The following LRRC8B variants were observed in gnomAD, a reference collection of about 807,000 sequenced individuals.
LRRC8B encodes volume-regulated anion channel subunit LRRC8B.
LRRC8B carries 23 observed loss-of-function variants against 58.8 expected under a neutral mutation model. The observed-to-expected ratio is 0.39, with a 90% CI of 0.28 to 0.55. LRRC8B has a LOEUF of 0.55. Among genes scored for constraint, LRRC8B ranks in the 20% least tolerant of loss-of-function variants. The pLI, the probability that LRRC8B is intolerant of heterozygous loss-of-function variation, is 0.62. For synonymous variants in LRRC8B, 359 were observed against 374.1 expected, an observed-to-expected ratio of 0.96 and a Z score of 0.47; for missense variants, 694 against 936.0, an observed-to-expected ratio of 0.74 and a Z score of 3.37.
chr1:89,576,458 T>C lies in LRRC8B; in HGVS notation c.-124-3133T>C, dbSNP rs530195271. 2.0e-5 allele frequency among the ~76,000 whole-genome samples: 3 copies of C among 152,308 alleles called. No homozygotes were observed. The South Asian group carries it at 6.2e-4, about 32-fold the overall frequency. ...TGGGAGTAAGGCCTGGGTTTACGTT[T>C]CTTTTAAAAGTGCCCCAAGAGGTTC... On this transcript the variant is annotated intron_variant, in intron 3 of 5. Coordinates refer to ENST00000330947, the MANE Select transcript of LRRC8B (RefSeq NM_001369817.2).
intron 1 of LRRC8B, among the ~76,000 whole-genome samples, chr1:89,557,374 A>T (rs1320167631): frequency 6.6e-6 from 1 of 152,194 alleles, no homozygotes; most frequent in Non-Finnish European, 1.5e-5. Context: ...GGCCAAAAGC[A>T]TCCTCTTTTT....
Position 89,583,460 on chromosome 1 carries a change from G to A in LRRC8B, c.810G>A (p.Val270=). Residue 270 remains valine (V), a synonymous_variant, in exon 5 of 6, where the codon GTG becomes GTA. Transcript: ENST00000330947. The surrounding 1 kb of genome is among the most constrained non-coding windows in gnomAD (Gnocchi z 5.2). ...KQIIVKVILF[V]LIITYVPYFL... Reference sequence around the variant, plus strand: ...TAATAGTCAAAGTCATTTTGTTTGTGCTCATCATAACTTATGTTCCATATT... The same window carrying A: ...TAATAGTCAAAGTCATTTTGTTTGTACTCATCATAACTTATGTTCCATATT... 2 of 1,614,058 alleles carry A rather than the reference G, an allele frequency of 1.2e-6. No homozygotes were observed. The highest frequency in any genetic ancestry group is 1.7e-6 in the Non-Finnish European group (2 of 1,179,998).
chr1:89,550,335 G>T (rs1259697427), intron 1 of LRRC8B, among the ~76,000 whole-genome samples: 1 of 152,114 alleles, frequency 6.6e-6, no homozygotes, highest in Non-Finnish European at 1.5e-5. Context: ...TGTTCATGCT[G>T]CTACCAAAGT....
chr1:89,569,813 A>G (rs926318319), intron 3 of LRRC8B, among the ~76,000 whole-genome samples: 2 of 151,974 alleles, frequency 1.3e-5, no homozygotes, highest in Non-Finnish European at 2.9e-5. Context: ...TCAACCAGGG[A>G]TTAAGCTGAG....
rs1317225749 is a variant in LRRC8B at position 89,579,592 on chromosome 1, A to T, written c.-123A>T. The T allele has an allele frequency of 6.5e-6, 1 of 152,700 alleles. No homozygotes were observed. The highest frequency in any genetic ancestry group is 1.5e-5 in the Non-Finnish European group (1 of 68,046). 9.5% of individuals were successfully genotyped at this position (152,700 alleles called of 1,614,324 possible). A position where few individuals can be genotyped will look rare whatever the true frequency, so the allele number is the denominator to read the frequency against. The stretch of plus-strand genomic sequence containing the variant: ...CAAGATATCTATGTTTTCTCATAGA[A>T]TGAAGACAAACACAGAGATGGTGTG... On this transcript the variant is annotated splice_region_variant and 5_prime_UTR_variant, in exon 4 of 6. The change abolishes an upstream ATG in the 5' untranslated region. Coordinates refer to ENST00000330947, the MANE Select transcript of LRRC8B (RefSeq NM_001369817.2).
chr1:89,578,254 A>T (rs1653989834), intron 3 of LRRC8B, among the ~76,000 whole-genome samples: 1 of 152,226 alleles, frequency 6.6e-6, no homozygotes, highest in South Asian at 2.1e-4. Flanking sequence ...ATCATGGCTG[A>T]GTAACATTTT....
intron 1 of LRRC8B, among the ~76,000 whole-genome samples, chr1:89,559,982 A>G (rs1418498359): frequency 1.3e-5 from 2 of 152,188 alleles, no homozygotes; most frequent in Non-Finnish European, 2.9e-5. Flanking sequence ...AGTCTTTCAG[A>G]CTAGATATTC....
At chr1:89,530,769 C>T (rs1650066459) in intron 1 of LRRC8B, among the ~76,000 whole-genome samples, 1 of 152,140 alleles carries the variant, frequency 6.6e-6, no homozygotes, top group African/African-American at 2.4e-5. Context: ...TGGACAACCC[C>T]AACGGCCGGT....
Position 89,582,716 on chromosome 1 carries a change from A to G in LRRC8B, c.66A>G (p.Pro22=), listed in dbSNP as rs1278261956. 3.1e-6 allele frequency: 5 copies of G among 1,614,090 alleles called. No homozygotes were observed. In the African/African-American group the frequency reaches 5.3e-5, roughly 17 times the overall value. Residue 22 remains proline, a synonymous_variant, in exon 5 of 6, where the codon CCA becomes CCG. Coordinates refer to ENST00000330947, the MANE Select transcript of LRRC8B (RefSeq NM_001369817.2). ...AGTCATCTTATCACATCTTAAAACC[A>G]TGGTGGGACGTCTTCTGGTATTACA... ...DAQSSYHILK[P]WWDVFWYYIT...
intron 1 of LRRC8B, among the ~76,000 whole-genome samples, chr1:89,535,141 G>C (rs12745246): frequency 6.6e-6 from 1 of 151,938 alleles, no homozygotes; most frequent in East Asian, 1.9e-4. Flanking sequence ...TATGTATTTT[G>C]AAGGAGGTCC....
At chr1:89,590,403 A>G (rs1466002890) in intron 5 of LRRC8B, among the ~76,000 whole-genome samples, 2 of 152,254 alleles carry the variant, frequency 1.3e-5, no homozygotes, top group Non-Finnish European at 1.5e-5. Context: ...GAATGAGAGT[A>G]GGTGAGGTAA....
chr1:89,567,859 A>T (rs751903917), intron 1 of LRRC8B, among the ~76,000 whole-genome samples: 2 of 152,176 alleles, frequency 1.3e-5, no homozygotes, highest in Non-Finnish European at 2.9e-5. Context: ...TGTGTGAACT[A>T]TATGTTTCCA....
chr1:89,576,118 GC>G (rs1653829603), intron 3 of LRRC8B, among the ~76,000 whole-genome samples: 1 of 152,168 alleles, frequency 6.6e-6, no homozygotes, highest in Admixed American at 6.5e-5. Flanking sequence ...TATTGAAATA[GC>G]CTTTCAGCTG....
rs1187390667 is a variant in LRRC8B at position 89,525,966 on chromosome 1, TAAG to T, written c.-241+949_-241+951del. On this transcript the variant is annotated intron_variant, in intron 1 of 5. Coordinates refer to ENST00000330947, the MANE Select transcript of LRRC8B (RefSeq NM_001369817.2). Reference sequence around the variant, plus strand: ...AACAGGCAATTTGTTCAGCGTATATTAAGAAGACATTACGTAGCATGATTTTTA... The same window carrying T: ...AACAGGCAATTTGTTCAGCGTATATTAAGACATTACGTAGCATGATTTTTA... 3.9e-5 allele frequency among the ~76,000 whole-genome samples: 6 copies of T among 152,342 alleles called. No homozygotes were observed. In the East Asian group the frequency reaches 7.7e-4, roughly 20 times the overall value.
intron 1 of LRRC8B, among the ~76,000 whole-genome samples, chr1:89,565,903 G>T (rs1323216680): frequency 6.6e-6 from 1 of 152,158 alleles, no homozygotes. Context: ...AAAAAGAGTA[G>T]CAAAAGAGCC....
intron 5 of LRRC8B, among the ~76,000 whole-genome samples, chr1:89,585,305 T>G (rs1185621431): frequency 6.6e-6 from 1 of 152,226 alleles, no homozygotes; most frequent in Non-Finnish European, 1.5e-5. Flanking sequence ...TGATTCAAAA[T>G]GAAAGGCCTG....
intron 1 of LRRC8B, among the ~76,000 whole-genome samples, chr1:89,528,266 T>C (rs968815315): frequency 3.9e-5 from 6 of 152,184 alleles, no homozygotes; most frequent in African/African-American, 1.4e-4. Context: ...CGTATCCAGC[T>C]CCATGCAGGT....
At chr1:89,575,738 G>A (rs902452661) in intron 3 of LRRC8B, among the ~76,000 whole-genome samples, 6 of 152,102 alleles carry the variant, frequency 3.9e-5, no homozygotes, top group Non-Finnish European at 8.8e-5. Flanking sequence ...TGTGCCCCAT[G>A]TGCTGGAAAC....
chr1:89,594,420 T>A lies in LRRC8B; in HGVS notation c.*1377T>A, dbSNP rs142512489. ...GCAATCGTACGGGTAAAATTCTTAA[T>A]TACTTACAAAAACTGTGATAGAGGG... On this transcript the variant is annotated 3_prime_UTR_variant, in exon 6 of 6. Transcript: ENST00000330947. 6.6e-6 allele frequency: 1 copy of A among 152,316 alleles called. No individual in the cohort carries two copies. Among genetic ancestry groups the A allele is most frequent in the Non-Finnish European group, 1.5e-5 (1 of 68,002 alleles). The allele number at this position is 152,316 out of a possible 1,614,324, so 9.4% of individuals were successfully genotyped here. A position where few individuals can be genotyped will look rare whatever the true frequency, so the allele number is the denominator to read the frequency against.
Sources: allele counts gnomAD v4.1 joint callset (sites outside exome capture counted in the v4.1 genomes callset), GRCh38; gene constraint gnomAD v4.1.1; non-coding constraint Gnocchi (gnomAD v3.1); transcripts MANE v1.5; gene names NCBI Gene and HGNC (gene_info 2026-07-23, HGNC 2026-07-21).